Variants in TSPAN18 observed in about 807,000 individuals in gnomAD.
The protein encoded by TSPAN18 is tetraspanin 18, also known as tetraspanin-18.
Under a neutral mutation model 27.3 loss-of-function variants are expected in TSPAN18, and 14 were observed. The observed-to-expected ratio is 0.51, with a 90% CI of 0.34 to 0.80. The LOEUF (loss-of-function observed/expected upper bound fraction) is 0.80, where lower values mean the gene tolerates loss of function less well. TSPAN18 is among the 30% of genes least tolerant of loss of function. The probability of loss-of-function intolerance (pLI) is 0.01; values close to 1 mark genes in which losing one functional copy is unlikely to be tolerated. For synonymous variants in TSPAN18, 143 were observed against 136.5 expected (o/e 1.05, Z -0.33); for missense variants, 268 against 323.9 (o/e 0.83, Z 1.32).
intron 1 of TSPAN18, among the ~76,000 whole-genome samples, chr11:44,756,516 CTT>C (rs1407189950): frequency 6.6e-6 from 1 of 152,134 alleles, no homozygotes; most frequent in Non-Finnish European, 1.5e-5. Context: ...CTCCATAACT[CTT>C]TTTATTTTGT....
At chr11:44,888,796 G>A (rs2135276906) in intron 3 of TSPAN18, among the ~76,000 whole-genome samples, 1 of 152,274 alleles carries the variant, frequency 6.6e-6, no homozygotes, top group South Asian at 2.1e-4. Context: ...TGAATTCCAA[G>A]GCAGCTCTGA....
intron 2 of TSPAN18, among the ~76,000 whole-genome samples, chr11:44,794,891 A>C (rs931094811): frequency 6.6e-6 from 1 of 152,064 alleles, no homozygotes; most frequent in Admixed American, 6.5e-5. Flanking sequence ...CACAGTGCCT[A>C]CTCCATAGTA....
chr11:44,743,499 G>A (rs530034014), intron 1 of TSPAN18, among the ~76,000 whole-genome samples: 2 of 152,216 alleles, frequency 1.3e-5, no homozygotes, highest in Non-Finnish European at 2.9e-5. Context: ...ATGTGACATG[G>A]GACAACAGCA....
intron 3 of TSPAN18, among the ~76,000 whole-genome samples, chr11:44,896,423 G>A (rs1308721263): frequency 6.6e-6 from 1 of 152,116 alleles, no homozygotes; most frequent in East Asian, 1.9e-4. Context: ...CTACTTCATA[G>A]GGTTGTTCTG....
intron 2 of TSPAN18, among the ~76,000 whole-genome samples, chr11:44,811,010 C>T (rs1856701557): frequency 6.6e-6 from 1 of 152,106 alleles, no homozygotes; most frequent in South Asian, 2.1e-4. Flanking sequence ...AACCAGTAGG[C>T]ATTTCTAATT....
At chr11:44,904,091 T>A (rs1554937068) in intron 3 of TSPAN18, among the ~76,000 whole-genome samples, 2 of 152,200 alleles carry the variant, frequency 1.3e-5, no homozygotes, top group Non-Finnish European at 2.9e-5. Context: ...CTTGGGGCAC[T>A]GTTGGAAGGA....
intron 3 of TSPAN18, among the ~76,000 whole-genome samples, chr11:44,877,848 G>A (rs112815450): frequency 4.6e-5 from 7 of 152,028 alleles, no homozygotes; most frequent in South Asian, 2.1e-4. Flanking sequence ...AGGAGACCAC[G>A]GCTTTCTACC....
At chr11:44,918,225 C>A (rs1405811858) in intron 6 of TSPAN18, among the ~76,000 whole-genome samples, 179 bp downstream of exon 6, 1 of 152,228 alleles carries the variant, frequency 6.6e-6, no homozygotes, top group Non-Finnish European at 1.5e-5. Flanking sequence ...CAGGGAGAGA[C>A]CCCAGTAAGC....
chr11:44,876,246 G>A (rs932548991), intron 3 of TSPAN18, among the ~76,000 whole-genome samples: 4 of 152,214 alleles, frequency 2.6e-5, no homozygotes, highest in Non-Finnish European at 5.9e-5. Context: ...ACAAAGGTGG[G>A]TCAATGCTGT....
At chr11:44,818,306 C>T (rs982011922) in intron 2 of TSPAN18, among the ~76,000 whole-genome samples, 1 of 152,230 alleles carries the variant, frequency 6.6e-6, no homozygotes, top group African/African-American at 2.4e-5. Context: ...TATTTCTATA[C>T]ATCCTCCAGG....
At chr11:44,733,522 A>C (rs1487793085) in intron 1 of TSPAN18, among the ~76,000 whole-genome samples, 1 of 152,160 alleles carries the variant, frequency 6.6e-6, no homozygotes, top group African/African-American at 2.4e-5. Flanking sequence ...TTTTTCCAGC[A>C]TGTCTCCCAG....
chr11:44,883,138 G>C (rs1858542886), intron 3 of TSPAN18, among the ~76,000 whole-genome samples: 1 of 152,160 alleles, frequency 6.6e-6, no homozygotes, highest in Non-Finnish European at 1.5e-5. Flanking sequence ...CCTTCCCTCT[G>C]CTCCCAAGAG....
At chr11:44,763,247 G>A (rs556130068) in intron 1 of TSPAN18, among the ~76,000 whole-genome samples, 5 of 152,250 alleles carry the variant, frequency 3.3e-5, no homozygotes, top group South Asian at 2.1e-4. Context: ...GGGGAACTTC[G>A]CTTTCTCCCC....
rs191519428 is a variant in TSPAN18 at position 44,733,126 on chromosome 11, A to G, written c.-240+5839A>G. 3.6e-3 allele frequency among the ~76,000 whole-genome samples: 542 copies of G among 152,300 alleles called. 5 individuals are homozygous for G. Among genetic ancestry groups the G allele is most frequent in the African/African-American group, 0.012 (485 of 41,574 alleles). On this transcript the variant is annotated intron_variant, in intron 1 of 9. Transcript: ENST00000520358. ...TGGTCAGAACTGTCATCTGGCCCCA[A>G]ACCAGCCCCCAGGGAGGCTGAGAAT...
intron 2 of TSPAN18, among the ~76,000 whole-genome samples, chr11:44,802,045 T>C (rs1234411605): frequency 1.3e-5 from 2 of 152,018 alleles, no homozygotes; most frequent in African/African-American, 4.8e-5. Flanking sequence ...CATAAAAAGA[T>C]TCTAGCCATC....
At chr11:44,920,383 G>A (rs1860083389) in intron 8 of TSPAN18, among the ~76,000 whole-genome samples, 1 of 152,134 alleles carries the variant, frequency 6.6e-6, no homozygotes, top group Non-Finnish European at 1.5e-5. Flanking sequence ...CTGTATTTTG[G>A]AGGAAGCTCT....
rs1017552740 is a variant in TSPAN18 at position 44,790,652 on chromosome 11, A to C, written c.-153+26140A>C. Among the ~76,000 whole-genome samples, 6 of 152,106 alleles carry C rather than the reference A, an allele frequency of 3.9e-5. No individual in the cohort carries two copies. In the East Asian group the frequency reaches 1.2e-3, roughly 29 times the overall value. ...TGTGTACACTTGCTTGAACTATAGG[A>C]GAACACAAAAGAACATGGGATGCCA... On this transcript the variant is annotated intron_variant, in intron 2 of 9. Transcript: ENST00000520358.
intron 2 of TSPAN18, among the ~76,000 whole-genome samples, chr11:44,803,158 G>A (rs968642356): frequency 6.6e-5 from 10 of 152,216 alleles, no homozygotes; most frequent in African/African-American, 1.9e-4. Flanking sequence ...GTGAGTGTTC[G>A]TGGATGTAAA....
chr11:44,917,951 A>G lies in TSPAN18; in HGVS notation c.259-21A>G, dbSNP rs772687913. ...CCCCTGCCTGCCCTCTGGGCTCACA[A>G]GGCTGTTCCTCTCCCTGCAGTTCTT... On this transcript the variant is annotated intron_variant, in intron 5 of 9. Transcript: ENST00000520358. 15 of 1,613,834 alleles carry G rather than the reference A, an allele frequency of 9.3e-6. No individual in the cohort carries two copies. The Admixed American group carries it at 2.3e-4, about 25-fold the overall frequency.
Sources: gnomAD v4.1 joint callset for allele counts (sites outside exome capture counted in the v4.1 genomes callset) on GRCh38, gnomAD v4.1.1 for gene constraint, MANE v1.5 for transcripts, NCBI Gene and HGNC (gene_info 2026-07-23, HGNC 2026-07-21) for gene names.